The following RANBP3L variants were observed in gnomAD, a reference collection of about 807,000 sequenced individuals.
RANBP3L encodes ran-binding protein 3-like.
A neutral mutation model predicts 67.2 loss-of-function variants in RANBP3L; 56 were observed. The observed-to-expected ratio is 0.83, with a 90% CI of 0.67 to 1.04. RANBP3L has a LOEUF of 1.04. Ranked by LOEUF, RANBP3L falls within the 50% of genes least tolerant of loss-of-function variation. RANBP3L has a pLI of 0.00. For synonymous variants in RANBP3L, 164 were observed against 181.4 expected (o/e 0.90, Z 0.77); for missense variants, 496 against 535.5 (o/e 0.93, Z 0.73).
chr5:36,262,184 C>T, intron 6 of RANBP3L, 142 bp from the exon 7 acceptor site: 1 of 545,292 alleles, frequency 1.8e-6, no homozygotes, highest in Non-Finnish European at 3.3e-6. Flanking sequence ...TGTACGATCT[C>T]ATTTACTCCT....
intron 2 of RANBP3L, 132 bp from the exon 3 acceptor site, chr5:36,270,122 A>G (rs1750105352): frequency 1.3e-6 from 1 of 763,180 alleles, no homozygotes; most frequent in Non-Finnish European, 2.3e-6. Flanking sequence ...AACCTAGTAC[A>G]TCAGATTTCC....
intron 12 of RANBP3L, 147 bp downstream of exon 12, chr5:36,253,500 A>T: frequency 1.7e-6 from 1 of 603,810 alleles, no homozygotes; most frequent in South Asian, 2.2e-5. Flanking sequence ...CATAAAATTT[A>T]TGTCTTATGC....
intron 6 of RANBP3L, among the ~76,000 whole-genome samples, chr5:36,263,611 G>T (rs1749547949): frequency 6.6e-6 from 1 of 152,158 alleles, no homozygotes; most frequent in African/African-American, 2.4e-5. Context: ...CTGTCACCAG[G>T]CTGGTACCAT....
chr5:36,283,144 G>A (rs188443868), intron 1 of RANBP3L, among the ~76,000 whole-genome samples: 38 of 152,138 alleles, frequency 2.5e-4, no homozygotes, highest in Admixed American at 1.9e-3. Flanking sequence ...TACAACCTCT[G>A]CCTCCTGAGT....
chr5:36,270,773 C>T (rs896624438), intron 2 of RANBP3L, among the ~76,000 whole-genome samples: 13 of 152,236 alleles, frequency 8.5e-5, no homozygotes, highest in Admixed American at 8.5e-4. Flanking sequence ...GCGGGGATTA[C>T]AGGCACAAGC....
intron 1 of RANBP3L, among the ~76,000 whole-genome samples, chr5:36,278,868 C>G (rs1295392624): frequency 2.6e-5 from 4 of 152,096 alleles, no homozygotes; most frequent in Non-Finnish European, 5.9e-5. Flanking sequence ...TACCTAAAAT[C>G]TAACTTATTT....
intron 1 of RANBP3L, among the ~76,000 whole-genome samples, chr5:36,287,430 A>C (rs1263374861): frequency 1.3e-5 from 2 of 152,222 alleles, no homozygotes; most frequent in Non-Finnish European, 2.9e-5. Context: ...GCAGCCACTA[A>C]GTATGTGTTA....
chr5:36,270,641 C>T (rs539017158), intron 2 of RANBP3L, among the ~76,000 whole-genome samples: 11 of 152,266 alleles, frequency 7.2e-5, no homozygotes, highest in Non-Finnish European at 1.0e-4. Context: ...ACTACAGGCA[C>T]ATGCCACCAT....
At chr5:36,273,309 G>A (rs1579728760) in intron 1 of RANBP3L, among the ~76,000 whole-genome samples, 1 of 152,110 alleles carries the variant, frequency 6.6e-6, no homozygotes, top group East Asian at 1.9e-4. Flanking sequence ...AACTAAAAAT[G>A]TGCAAAAGTG....
chr5:36,294,237 C>G (rs1039075309), intron 1 of RANBP3L, among the ~76,000 whole-genome samples: 1 of 151,946 alleles, frequency 6.6e-6, no homozygotes, highest in Non-Finnish European at 1.5e-5. Flanking sequence ...TCTGTGGGAT[C>G]GGTGGTGATA....
chr5:36,297,278 C>T (rs1373936338), intron 1 of RANBP3L, among the ~76,000 whole-genome samples: 2 of 150,742 alleles, frequency 1.3e-5, no homozygotes, highest in Admixed American at 6.6e-5. Context: ...TCATTAAGGT[C>T]TTCATCATTG....
intron 1 of RANBP3L, among the ~76,000 whole-genome samples, chr5:36,281,426 A>G (rs1750962291): frequency 6.6e-6 from 1 of 152,184 alleles, no homozygotes; most frequent in Non-Finnish European, 1.5e-5. Context: ...CACACAGATA[A>G]TTCTTAGATA....
At position 36,256,939 on chromosome 5, in the gene RANBP3L, A is replaced by C; in HGVS notation, c.903+2T>G. On this transcript the variant is annotated splice_donor_variant, in intron 10 of 13. Coordinates refer to ENST00000296604, the MANE Select transcript of RANBP3L (RefSeq NM_145000.5). LOFTEE classifies it high-confidence loss of function. Reference sequence around the variant, plus strand: ...AGAAAGAGTAAAACATGATATACAGACCTTTAACACATTATGTTCTGTTTC... The same window carrying C: ...AGAAAGAGTAAAACATGATATACAGCCCTTTAACACATTATGTTCTGTTTC... The C allele has an allele frequency of 6.2e-7, 1 of 1,610,678 alleles. No individual in the cohort carries two copies. The highest frequency in any genetic ancestry group is 1.7e-5 in the Admixed American group (1 of 59,734).
At chr5:36,301,038 CT>C (rs753448027) in intron 1 of RANBP3L, among the ~76,000 whole-genome samples, 35 of 152,144 alleles carry the variant, frequency 2.3e-4, no homozygotes, top group Non-Finnish European at 5.0e-4. Flanking sequence ...CTGACTCAGC[CT>C]TGCTCAGATG....
chr5:36,261,396 A>G (rs1047624980), intron 7 of RANBP3L, among the ~76,000 whole-genome samples: 2 of 152,264 alleles, frequency 1.3e-5, no homozygotes, highest in Non-Finnish European at 2.9e-5. Context: ...AGGGTTCGGC[A>G]TTGCATCCCC....
chr5:36,260,895 T>G, intron 7 of RANBP3L, 31 bp from the exon 8 acceptor site: 1 of 935,968 alleles, frequency 1.1e-6, no homozygotes, highest in South Asian at 1.5e-5. Flanking sequence ...TTTACTATTT[T>G]AAATACATAG....
intron 1 of RANBP3L, among the ~76,000 whole-genome samples, chr5:36,292,996 T>C (rs1170691117): frequency 7.5e-6 from 1 of 134,018 alleles, no homozygotes; most frequent in East Asian, 2.0e-4. Flanking sequence ...TTGGGCAGTA[T>C]GGCCATTTTC....
intron 1 of RANBP3L, among the ~76,000 whole-genome samples, chr5:36,279,666 G>C (rs1271596251): frequency 6.6e-6 from 1 of 152,156 alleles, no homozygotes; most frequent in Non-Finnish European, 1.5e-5. Context: ...TTTGTGTTCA[G>C]ATCTTTATAC....
intron 6 of RANBP3L, among the ~76,000 whole-genome samples, chr5:36,262,288 G>A (rs1749453840): frequency 6.6e-6 from 1 of 152,142 alleles, no homozygotes; most frequent in Non-Finnish European, 1.5e-5. Flanking sequence ...GTCACATACA[G>A]TGGCGATCTG....
Sources: gnomAD v4.1 joint callset for allele counts (sites outside exome capture counted in the v4.1 genomes callset) on GRCh38, gnomAD v4.1.1 for gene constraint, MANE v1.5 for transcripts, NCBI Gene and HGNC (gene_info 2026-07-23, HGNC 2026-07-21) for gene names.